Variants in MEGF11 observed in about 807,000 individuals in gnomAD.
MEGF11 encodes the protein multiple epidermal growth factor-like domains protein 11.
MEGF11 carries 126 observed loss-of-function variants against 146.6 expected under a neutral mutation model. The observed-to-expected ratio is 0.86, with a 90% CI of 0.74 to 1.00. MEGF11 has a LOEUF of 1.00. Ranked by LOEUF, MEGF11 falls within the 50% of genes least tolerant of loss-of-function variation. The pLI is 0.00. For missense variants in MEGF11, 1,509 were observed against 1,521.2 expected (o/e 0.99, Z 0.13); for synonymous variants, 532 against 583.4 (o/e 0.91, Z 1.27).
chr15:66,004,426 ATTTTC>A (rs10572322), intron 5 of MEGF11, among the ~76,000 whole-genome samples: 109,000 of 151,136 alleles, frequency 0.72, 40,120 homozygotes, highest in Non-Finnish European at 0.8. Flanking sequence ...TTTTTGTAAT[ATTTTC>A]TTTTCTTAAA....
chr15:66,106,004 G>A (rs2087056509), intron 4 of MEGF11, among the ~76,000 whole-genome samples: 1 of 152,184 alleles, frequency 6.6e-6, no homozygotes, highest in Admixed American at 6.5e-5. Context: ...CCAGGGGAGG[G>A]AGGAGGCCTC....
intron 1 of MEGF11, among the ~76,000 whole-genome samples, chr15:66,185,950 T>C (rs1296632569): frequency 1.3e-5 from 2 of 152,174 alleles, no homozygotes; most frequent in Admixed American, 6.5e-5. Flanking sequence ...CCCTTCTCTG[T>C]GCCATAGCAT....
chr15:66,106,876 A>T (rs933000662), intron 4 of MEGF11, among the ~76,000 whole-genome samples: 1 of 152,152 alleles, frequency 6.6e-6, no homozygotes, highest in African/African-American at 2.4e-5. Context: ...GAATGGTAAA[A>T]TATTAAAATA....
intron 5 of MEGF11, among the ~76,000 whole-genome samples, chr15:66,023,446 G>T (rs547910737): frequency 6.6e-6 from 1 of 152,214 alleles, no homozygotes; most frequent in Non-Finnish European, 1.5e-5. Context: ...TGCAGACCCA[G>T]TGAAAAGGCA....
chr15:66,094,319 A>G, intron 5 of MEGF11, 83 bp downstream of exon 5: 1 of 1,214,814 alleles, frequency 8.2e-7, no homozygotes. Context: ...CACAACACAA[A>G]AATGTAGCAT....
At chr15:66,140,633 G>A (rs2089099882) in intron 1 of MEGF11, among the ~76,000 whole-genome samples, 1 of 152,230 alleles carries the variant, frequency 6.6e-6, no homozygotes, top group African/African-American at 2.4e-5. Context: ...CAATAGGGTA[G>A]GAAGAACGGG....
intron 10 of MEGF11, among the ~76,000 whole-genome samples, chr15:65,939,492 CTTTTTTTT>C (rs869271515): frequency 7.4e-6 from 1 of 135,018 alleles, no homozygotes; most frequent in African/African-American, 2.8e-5. Context: ...CAGCTCCCAA[CTTTTTTTT>C]TTTTTTTTTT....
intron 1 of MEGF11, among the ~76,000 whole-genome samples, chr15:66,199,784 A>T (rs978917004): frequency 2.6e-5 from 4 of 152,146 alleles, no homozygotes; most frequent in African/African-American, 9.7e-5. Flanking sequence ...ATCAGACCCT[A>T]TCTTAAAAAC....
intron 22 of MEGF11, 89 bp from the exon 23 acceptor site, chr15:65,909,224 G>A (rs2078720390): frequency 3.1e-6 from 3 of 956,230 alleles, no homozygotes; most frequent in Non-Finnish European, 4.8e-6. Context: ...AGTGGGCCAG[G>A]GTCAGGGTGA....
At chr15:66,239,987 C>T (rs921728746) in intron 1 of MEGF11, among the ~76,000 whole-genome samples, 2 of 152,232 alleles carry the variant, frequency 1.3e-5, no homozygotes, top group African/African-American at 2.4e-5. Flanking sequence ...TCCCTCATGA[C>T]TAAGCAACCA....
chr15:65,941,231 C>A (rs556633794), intron 10 of MEGF11, among the ~76,000 whole-genome samples: 1 of 152,002 alleles, frequency 6.6e-6, no homozygotes. Context: ...GACTGGCTAA[C>A]GTGGTGAAAA....
chr15:65,987,660 C>T (rs2081909822), intron 5 of MEGF11, among the ~76,000 whole-genome samples: 1 of 152,150 alleles, frequency 6.6e-6, no homozygotes. Context: ...GCAGTAACTC[C>T]CTAGTTCCTC....
At chr15:66,182,796 C>G (rs2090587358) in intron 1 of MEGF11, among the ~76,000 whole-genome samples, 1 of 152,182 alleles carries the variant, frequency 6.6e-6, no homozygotes, top group Admixed American at 6.5e-5. Context: ...GTTAGGGCTG[C>G]AGGCAACATG....
intron 7 of MEGF11, among the ~76,000 whole-genome samples, chr15:65,972,441 G>A (rs1405510422): frequency 1.3e-5 from 2 of 152,180 alleles, no homozygotes; most frequent in Non-Finnish European, 2.9e-5. Context: ...AGGTATGGTG[G>A]CTCATGCCTA....
chr15:65,956,783 C>G (rs2080655422), intron 10 of MEGF11, among the ~76,000 whole-genome samples: 2 of 152,206 alleles, frequency 1.3e-5, no homozygotes, highest in African/African-American at 4.8e-5. Flanking sequence ...TGTTCACTCT[C>G]CCTCGTAATC....
chr15:66,052,612 A>G (rs948233958), intron 5 of MEGF11, among the ~76,000 whole-genome samples: 1 of 152,052 alleles, frequency 6.6e-6, no homozygotes, highest in Non-Finnish European at 1.5e-5. Flanking sequence ...GCTTTCCCCA[A>G]CTGCTAGCAG....
At chr15:66,171,378 G>A (rs2090251039) in intron 1 of MEGF11, among the ~76,000 whole-genome samples, 1 of 152,172 alleles carries the variant, frequency 6.6e-6, no homozygotes, top group African/African-American at 2.4e-5. Flanking sequence ...TAAGATTCTG[G>A]TCCTGCTCCT....
At chr15:66,201,768 C>T (rs1273915791) in intron 1 of MEGF11, among the ~76,000 whole-genome samples, 1 of 95,330 alleles carries the variant, frequency 1.0e-5, no homozygotes, top group African/African-American at 3.9e-5. Context: ...ACCCTGTTTA[C>T]TAAAAATCCC....
chr15:66,225,884 C>A (rs962597249), intron 1 of MEGF11, among the ~76,000 whole-genome samples: 2 of 152,152 alleles, frequency 1.3e-5, no homozygotes, highest in Non-Finnish European at 2.9e-5. Context: ...CTCATATGCA[C>A]ACATTCACTC....
Sources: gnomAD v4.1 joint callset for allele counts (sites outside exome capture counted in the v4.1 genomes callset) on GRCh38, gnomAD v4.1.1 for gene constraint, MANE v1.5 for transcripts, NCBI Gene and HGNC (gene_info 2026-07-23, HGNC 2026-07-21) for gene names.